SLC4A7: variants seen among roughly 807,000 people sequenced by gnomAD.
SLC4A7 encodes the protein solute carrier family 4 member 7.
Under a neutral mutation model 137.6 loss-of-function variants are expected in SLC4A7, and 51 were observed. The observed-to-expected ratio is 0.37, with a 90% CI of 0.30 to 0.47. SLC4A7 has a LOEUF of 0.47. Ranked by LOEUF, SLC4A7 falls within the 20% of genes least tolerant of loss-of-function variation. SLC4A7 has a pLI of 1.00. For missense variants in SLC4A7, 1,247 were observed against 1,525.4 expected (o/e 0.82, Z 3.04); for synonymous variants, 542 against 518.6 (o/e 1.05, Z -0.61).
chr3:27,464,945 T>C (rs1231176394), intron 1 of SLC4A7, among the ~76,000 whole-genome samples: 2 of 152,154 alleles, frequency 1.3e-5, no homozygotes, highest in Non-Finnish European at 2.9e-5. Flanking sequence ...GTGTTGTTCT[T>C]TCTTTTTCGC....
At chr3:27,395,957 C>A (rs2052110498) in intron 18 of SLC4A7, among the ~76,000 whole-genome samples, 1 of 152,046 alleles carries the variant, frequency 6.6e-6, no homozygotes, top group African/African-American at 2.4e-5. Context: ...GAACTACTAA[C>A]AAAAATCTGG....
intron 1 of SLC4A7, among the ~76,000 whole-genome samples, chr3:27,482,282 C>T (rs1003517293): frequency 2.6e-5 from 4 of 152,130 alleles, no homozygotes; most frequent in Non-Finnish European, 4.4e-5. Flanking sequence ...GGGCAATGGC[C>T]TTATCACATG....
At chr3:27,420,637 A>G (rs2054872770) in intron 10 of SLC4A7, 63 bp downstream of exon 10, 1 of 1,033,582 alleles carries the variant, frequency 9.7e-7, no homozygotes, top group East Asian at 2.4e-5. Flanking sequence ...ACTGTAATCT[A>G]ATATATACTA....
At chr3:27,386,941 T>C (rs1204078981) in intron 22 of SLC4A7, among the ~76,000 whole-genome samples, 2 of 152,204 alleles carry the variant, frequency 1.3e-5, no homozygotes, top group African/African-American at 2.4e-5. Context: ...CGTCCAATAC[T>C]AAATTCTCCC....
rs570293207 is a variant in SLC4A7, at chr3:27,433,474, A to C, written c.778+442T>G. ...ATGAGAGTAGAAAGGTGGAATATGT[A>C]GACCTGGGTCTGAGCCATTCTCAAT... On this transcript the variant is annotated intron_variant, in intron 6 of 25. Transcript: ENST00000454389. Among the ~76,000 whole-genome samples the C allele has an allele frequency of 2.6e-5, 4 of 152,334 alleles. No homozygotes were observed. The East Asian group carries it at 7.7e-4, about 29-fold the overall frequency.
At chr3:27,479,153 G>A (rs1038544744) in intron 1 of SLC4A7, among the ~76,000 whole-genome samples, 7 of 152,150 alleles carry the variant, frequency 4.6e-5, no homozygotes, top group African/African-American at 1.4e-4. Context: ...AGCGGCTCAC[G>A]CCTGTAATCC....
rs1417276211 is a variant in SLC4A7 at position 27,372,846 on chromosome 3, C to T, written c.*3918G>A. 1 of 152,502 alleles carries T rather than the reference C, an allele frequency of 6.6e-6. No individual in the cohort carries two copies. The highest frequency in any genetic ancestry group is 1.5e-5 in the Non-Finnish European group (1 of 68,022). The allele number at this position is 152,502 out of a possible 1,614,324, so 9.4% of individuals were successfully genotyped here. A position where few individuals can be genotyped will look rare whatever the true frequency, so the allele number is the denominator to read the frequency against. On this transcript the variant is annotated 3_prime_UTR_variant, in exon 26 of 26. Transcript: ENST00000454389. ...ATTCACAATATAGACCCAGTAGAGG[C>T]TTATACTTCATATAAATGAAAAATA...
chr3:27,440,990 A>T (rs765308535), intron 3 of SLC4A7, among the ~76,000 whole-genome samples: 1 of 152,198 alleles, frequency 6.6e-6, no homozygotes, highest in Non-Finnish European at 1.5e-5. Context: ...GGTTGCAGTG[A>T]GCCAAGATCG....
chr3:27,382,070 A>G (rs537830248), intron 24 of SLC4A7, among the ~76,000 whole-genome samples: 1 of 152,318 alleles, frequency 6.6e-6, no homozygotes, highest in Admixed American at 6.5e-5. Flanking sequence ...TTCATCTCAA[A>G]AAAAAAGAAA....
chr3:27,464,865 C>T (rs2058895404), intron 1 of SLC4A7, among the ~76,000 whole-genome samples: 1 of 152,110 alleles, frequency 6.6e-6, no homozygotes, highest in Admixed American at 6.5e-5. Flanking sequence ...CCTCCTGTTC[C>T]GGGATAGTAA....
Position 27,484,315 on chromosome 3 carries a change from G to C in SLC4A7, c.-189C>G. On this transcript the variant is annotated 5_prime_UTR_variant, in exon 1 of 26. Transcript: ENST00000454389. ...CGCGGGAGACGCGGGGCGTGCGTGT[G>C]CGCGCTGCGACTGCTGGGCTGGCTT... 1 of 368,814 alleles carries C rather than the reference G, an allele frequency of 2.7e-6. No individual in the cohort carries two copies. Among genetic ancestry groups the C allele is most frequent in the Non-Finnish European group, 4.7e-6 (1 of 212,446 alleles). 22.8% of individuals were successfully genotyped at this position (368,814 alleles called of 1,614,324 possible). A position where few individuals can be genotyped will look rare whatever the true frequency, so the allele number is the denominator to read the frequency against.
chr3:27,384,832 G>A (rs530078899), intron 23 of SLC4A7, among the ~76,000 whole-genome samples: 3 of 151,976 alleles, frequency 2.0e-5, no homozygotes, highest in South Asian at 2.1e-4. Flanking sequence ...GTTTGGTGGC[G>A]GGTGCCTGTA....
intron 7 of SLC4A7, among the ~76,000 whole-genome samples, chr3:27,428,593 G>A (rs1337494125): frequency 6.6e-6 from 1 of 152,144 alleles, no homozygotes. Flanking sequence ...CATAATGATA[G>A]GAACACAAGG....
intron 22 of SLC4A7, among the ~76,000 whole-genome samples, chr3:27,388,068 C>G (rs1044274296): frequency 4.6e-5 from 7 of 152,146 alleles, no homozygotes; most frequent in African/African-American, 1.7e-4. Context: ...TAACATCCAG[C>G]CACCCTAACA....
In SLC4A7 at chr3:27,374,804, G is replaced by A. The variant is rs1023042319; in HGVS notation, c.*1960C>T. 5 of 152,486 alleles carry A rather than the reference G, an allele frequency of 3.3e-5. No homozygotes were observed. The highest frequency in any genetic ancestry group is 1.2e-4 in the African/African-American group (5 of 41,438). 9.4% of individuals were successfully genotyped at this position (152,486 alleles called of 1,614,324 possible). On this transcript the variant is annotated 3_prime_UTR_variant, in exon 26 of 26. Transcript: ENST00000454389. ...TGATGTCCAGACACAAGGAAATGAT[G>A]TGAGGAAATCCTCTTGTTCAGGTAC...
Position 27,436,430 on chromosome 3 carries a change from C to G in SLC4A7, c.547G>C (p.Val183Leu). The G allele has an allele frequency of 6.2e-7, 1 of 1,613,820 alleles. No individual in the cohort carries two copies. Among genetic ancestry groups the G allele is most frequent in the Non-Finnish European group, 8.5e-7 (1 of 1,179,802 alleles). Reference sequence around the variant, plus strand: ...GTGCTTGCTCTCATATCCAGCATGACTGTTCCATTGAGGATGCAACTCCTT... The same window carrying G: ...GTGCTTGCTCTCATATCCAGCATGAGTGTTCCATTGAGGATGCAACTCCTT... ...ELRSCILNGT[V>L]MLDMRASTLD... Residue 183 changes from valine to leucine, a missense_variant, in exon 5 of 26, where the codon GTC becomes CTC. Around this residue, in one of 6 missense-constraint regions of SLC4A7, gnomAD observed 11 missense variants for 50.2 expected, o/e 0.22. Coordinates refer to ENST00000454389, the MANE Select transcript of SLC4A7 (RefSeq NM_001321103.2).
At chr3:27,433,748 TTTAA>T (rs1424601999) in intron 6 of SLC4A7, among the ~76,000 whole-genome samples, 164 bp downstream of exon 6, 1 of 152,234 alleles carries the variant, frequency 6.6e-6, no homozygotes, top group Non-Finnish European at 1.5e-5. Context: ...TTTATGCCTC[TTTAA>T]TTAATTATAC....
intron 7 of SLC4A7, among the ~76,000 whole-genome samples, chr3:27,427,482 A>T (rs141708037): frequency 3.9e-5 from 6 of 152,168 alleles, no homozygotes; most frequent in African/African-American, 1.4e-4. Context: ...ATAATTTTAT[A>T]CATATAACTT....
intron 1 of SLC4A7, among the ~76,000 whole-genome samples, chr3:27,467,328 T>C (rs766878620): frequency 2.0e-5 from 3 of 152,168 alleles, no homozygotes; most frequent in Non-Finnish European, 4.4e-5. Context: ...TTAAACTACA[T>C]ATAATTTTAC....
Sources: allele counts gnomAD v4.1 joint callset (sites outside exome capture counted in the v4.1 genomes callset), GRCh38; gene constraint gnomAD v4.1.1; regional missense constraint gnomAD v4.1.1; transcripts MANE v1.5; gene names NCBI Gene and HGNC (gene_info 2026-07-23, HGNC 2026-07-21).